TANC2: variants seen among roughly 807,000 people sequenced by gnomAD.
TANC2 encodes the protein tetratricopeptide repeat, ankyrin repeat and coiled-coil containing 2.
A neutral mutation model predicts 210.5 loss-of-function variants in TANC2; 26 were observed. That is an observed-to-expected ratio of 0.12 (90% CI 0.09 to 0.17). The LOEUF (loss-of-function observed/expected upper bound fraction) is 0.17, where lower values mean the gene tolerates loss of function less well. TANC2 is among the 10% of genes least tolerant of loss of function. The pLI is 1.00. For synonymous variants in TANC2, 931 were observed against 967.1 expected (o/e 0.96, Z 0.69); for missense variants, 2,129 against 2,608.9 (o/e 0.82, Z 4.01).
chr17:63,219,159 CT>C (rs920577686), intron 7 of TANC2, among the ~76,000 whole-genome samples: 1 of 152,134 alleles, frequency 6.6e-6, no homozygotes, highest in African/African-American at 2.4e-5. Context: ...GTACTCCATA[CT>C]GTTAAGATGT....
chr17:63,417,815 A>G (rs1237771049), intron 26 of TANC2, among the ~76,000 whole-genome samples: 1 of 152,178 alleles, frequency 6.6e-6, no homozygotes, highest in Non-Finnish European at 1.5e-5. Flanking sequence ...CTCTGTAGTC[A>G]GTGCAGTTTC....
chr17:63,076,996 A>G (rs1312917556), intron 3 of TANC2, among the ~76,000 whole-genome samples: 1 of 152,220 alleles, frequency 6.6e-6, no homozygotes, highest in Non-Finnish European at 1.5e-5. Flanking sequence ...ATGATTCAAG[A>G]TAATTTTCTT....
rs80149483 is a variant in TANC2 at position 63,137,624 on chromosome 17, T to A, written c.323-13646T>A. On this transcript the variant is annotated intron_variant, in intron 4 of 27. Coordinates refer to ENST00000689528, the Ensembl canonical transcript of TANC2. ...GATTTGTTTTATCCATGAGCGCTTT[T>A]TAAGACTCACTTTGTATAGTAAAAC... Among the ~76,000 whole-genome samples the A allele has an allele frequency of 8.0e-4, 122 of 152,356 alleles. 7 individuals carry two copies. The East Asian group carries it at 0.011, about 13-fold the overall frequency.
At chr17:63,022,937 C>T (rs536397495) in intron 2 of TANC2, among the ~76,000 whole-genome samples, 97 of 152,332 alleles carry the variant, frequency 6.4e-4, no homozygotes, top group African/African-American at 2.2e-3. Flanking sequence ...CTCCAGAGGA[C>T]GCATGCAGTA....
intron 5 of TANC2, among the ~76,000 whole-genome samples, chr17:63,184,337 G>T (rs1367340780): frequency 1.3e-5 from 2 of 151,890 alleles, no homozygotes; most frequent in Non-Finnish European, 2.9e-5. Context: ...GAGTAAAAAA[G>T]CATAAACAAG....
At chr17:63,419,239 G>C (rs1298066237) in intron 27 of TANC2, among the ~76,000 whole-genome samples, 3 of 152,142 alleles carry the variant, frequency 2.0e-5, no homozygotes, top group African/African-American at 7.2e-5. Flanking sequence ...CTCTTACCTA[G>C]CTGGGGCAAC....
intron 14 of TANC2, among the ~76,000 whole-genome samples, chr17:63,360,235 C>T (rs1489847128): frequency 6.6e-6 from 1 of 152,202 alleles, no homozygotes; most frequent in Non-Finnish European, 1.5e-5. Context: ...ATTAACCTTA[C>T]CCTCACTGAA....
intron 4 of TANC2, among the ~76,000 whole-genome samples, chr17:63,112,223 G>C (rs183632114): frequency 1.7e-4 from 26 of 152,300 alleles, no homozygotes; most frequent in Non-Finnish European, 2.9e-5. Context: ...CTGAGATGGA[G>C]AAGGCAAGTT....
At chr17:63,315,485 A>G (rs1317745509) in intron 10 of TANC2, among the ~76,000 whole-genome samples, 1 of 152,014 alleles carries the variant, frequency 6.6e-6, no homozygotes, top group African/African-American at 2.4e-5. Flanking sequence ...TACTGGTGAA[A>G]CTCACTTGAG....
At chr17:63,295,701 TAATC>T (rs1393819131) in intron 9 of TANC2, among the ~76,000 whole-genome samples, 2 of 152,202 alleles carry the variant, frequency 1.3e-5, no homozygotes, top group Non-Finnish European at 2.9e-5. Flanking sequence ...TCAGATGTAA[TAATC>T]AAATCCTTTA....
chr17:63,316,950 A>ATTATATTAAAC (rs1185544365), intron 10 of TANC2, among the ~76,000 whole-genome samples: 1 of 54,282 alleles, frequency 1.8e-5, no homozygotes, highest in Non-Finnish European at 3.1e-5. Flanking sequence ...AATATAAGTT[A>ATTATATTAAAC]TTAATATAAG....
chr17:63,416,166 C>T (rs2048853638), intron 26 of TANC2, among the ~76,000 whole-genome samples: 1 of 152,192 alleles, frequency 6.6e-6, no homozygotes, highest in South Asian at 2.1e-4. Flanking sequence ...TGTATCCCAG[C>T]ATGCTATGTC....
intron 9 of TANC2, among the ~76,000 whole-genome samples, chr17:63,287,045 T>C (rs2044244391): frequency 6.6e-6 from 1 of 152,146 alleles, no homozygotes; most frequent in Non-Finnish European, 1.5e-5. Context: ...ATGATTCTCT[T>C]GCTTCAGCCT....
At chr17:63,011,210 T>G (rs551840729) in intron 2 of TANC2, among the ~76,000 whole-genome samples, 8 of 150,936 alleles carry the variant, frequency 5.3e-5, no homozygotes, top group African/African-American at 9.8e-5. Context: ...GACAAATATG[T>G]TTTTTTTTGT....
rs541739488 is a variant in TANC2, at chr17:63,284,102, T to G, written c.1159+16229T>G. On this transcript the variant is annotated intron_variant, in intron 9 of 27. Transcript: ENST00000689528. ...TATGTCAATATGTTCTCCATAGATG[T>G]TCCATATCAGATTAAGGAAGTTCTT... is the stretch of plus-strand genomic sequence containing the variant. Among the ~76,000 whole-genome samples the G allele has an allele frequency of 3.9e-5, 6 of 152,150 alleles. No homozygotes were observed. The South Asian group carries it at 1.2e-3, about 32-fold the overall frequency.
chr17:63,090,595 T>G (rs530563034), intron 3 of TANC2, among the ~76,000 whole-genome samples: 2 of 152,350 alleles, frequency 1.3e-5, no homozygotes, highest in South Asian at 4.1e-4. Flanking sequence ...GTTTTCTTAA[T>G]CCAGTCTATC....
chr17:63,117,189 T>C (rs1199042321), intron 4 of TANC2: 1 of 152,208 alleles, frequency 6.6e-6, no homozygotes, highest in African/African-American at 2.4e-5. Context: ...GCCTTCCTTG[T>C]TACTCCTGAA....
At chr17:63,287,764 C>T (rs1384910138) in intron 9 of TANC2, among the ~76,000 whole-genome samples, 5 of 151,694 alleles carry the variant, frequency 3.3e-5, no homozygotes, top group Admixed American at 1.3e-4. Context: ...CAGTCTCCAT[C>T]TCCTAGTCTC....
chr17:63,319,080 T>C (rs554015043), exon 11 of TANC2: 7 of 1,612,238 alleles, frequency 4.3e-6, no homozygotes, highest in Non-Finnish European at 5.9e-6. Context: ...ATGCGAAGAC[T>C]AGCCTCGCAG....
Sources: allele counts gnomAD v4.1 joint callset (sites outside exome capture counted in the v4.1 genomes callset), GRCh38; gene constraint gnomAD v4.1.1; transcripts MANE v1.5; gene names NCBI Gene and HGNC (gene_info 2026-07-23, HGNC 2026-07-21).